Variants in TMPRSS15 observed in about 807,000 individuals in gnomAD.
The protein encoded by TMPRSS15 is enteropeptidase.
TMPRSS15 carries 128 observed loss-of-function variants against 125.3 expected under a neutral mutation model. The observed-to-expected ratio is 1.02, with a 90% CI of 0.89 to 1.18. The LOEUF is 1.18. TMPRSS15 is among the 50% of genes most tolerant of loss of function. The pLI is 0.00. For synonymous variants in TMPRSS15, 446 were observed against 423.2 expected, an observed-to-expected ratio of 1.05 and a Z score of -0.66; for missense variants, 1,283 against 1,212.7, an observed-to-expected ratio of 1.06 and a Z score of -0.86.
intron 1 of TMPRSS15, among the ~76,000 whole-genome samples, chr21:18,429,001 C>T (rs141889607): frequency 0.012 from 1,871 of 152,280 alleles, 33 homozygotes; most frequent in African/African-American, 0.04. Context: ...CCTGCAAAGC[C>T]ACAGGACAGA....
chr21:18,398,917 G>A (rs1040095717), intron 1 of TMPRSS15, among the ~76,000 whole-genome samples: 10 of 151,842 alleles, frequency 6.6e-5, no homozygotes, highest in East Asian at 3.9e-4. Context: ...TGTTGAAGAC[G>A]TTATTTAGAA....
intron 6 of TMPRSS15, among the ~76,000 whole-genome samples, chr21:18,367,426 G>A (rs1408463020): frequency 2.6e-5 from 4 of 152,074 alleles, no homozygotes; most frequent in African/African-American, 7.2e-5. Context: ...CACCTTCAAC[G>A]CTCTTTTCCA....
At chr21:18,427,977 T>A (rs2076207142) in intron 1 of TMPRSS15, among the ~76,000 whole-genome samples, 1 of 152,182 alleles carries the variant, frequency 6.6e-6, no homozygotes, top group African/African-American at 2.4e-5. Context: ...CATAAGAAAG[T>A]GAAAGAACCA....
intron 4 of TMPRSS15, among the ~76,000 whole-genome samples, chr21:18,380,350 T>G (rs1440747813): frequency 6.6e-6 from 1 of 152,098 alleles, no homozygotes; most frequent in Non-Finnish European, 1.5e-5. Context: ...ATCCTTGGCA[T>G]AAGTGATGAG....
At chr21:18,295,183 C>T (rs899764488) in intron 19 of TMPRSS15, among the ~76,000 whole-genome samples, 8 of 152,132 alleles carry the variant, frequency 5.3e-5, no homozygotes, top group Admixed American at 2.0e-4. Flanking sequence ...GTGCTGCTTT[C>T]AAGGAAGGCA....
At chr21:18,282,083 G>A (rs1418175285) in intron 21 of TMPRSS15, among the ~76,000 whole-genome samples, 3 of 77,114 alleles carry the variant, frequency 3.9e-5, no homozygotes, top group African/African-American at 1.7e-4. Flanking sequence ...GGGAGACAAA[G>A]CAAGACTCCG....
At chr21:18,437,108 T>C (rs2076229657) in intron 1 of TMPRSS15, among the ~76,000 whole-genome samples, 1 of 149,292 alleles carries the variant, frequency 6.7e-6, no homozygotes, top group Admixed American at 6.8e-5. Flanking sequence ...AACAGCATGG[T>C]ACTGGTACCA....
In TMPRSS15 at chr21:18,426,026, A is replaced by T. The variant is rs934676701; in HGVS notation, c.11-27697T>A. ...TATTCACCTATTTATTTGCTTCCTA[A>T]ATATTTGTAAGAACTCTTTTATAGC... is the stretch of plus-strand genomic sequence containing the variant. On this transcript the variant is annotated intron_variant, in intron 1 of 7. Transcript: ENST00000422787. Among the ~76,000 whole-genome samples the T allele has an allele frequency of 2.0e-5, 3 of 152,220 alleles. No homozygotes were observed. The East Asian group carries it at 5.8e-4, about 29-fold the overall frequency.
chr21:18,357,081 G>A (rs1051806112), intron 8 of TMPRSS15, among the ~76,000 whole-genome samples: 5 of 151,706 alleles, frequency 3.3e-5, no homozygotes, highest in African/African-American at 1.2e-4. Flanking sequence ...AGGCATTTTT[G>A]TTGTCTTTCT....
intron 22 of TMPRSS15, among the ~76,000 whole-genome samples, chr21:18,280,000 T>C (rs62213416): frequency 0.022 from 3,411 of 152,226 alleles, 65 homozygotes; most frequent in Non-Finnish European, 0.032. Flanking sequence ...TAAGACACAG[T>C]GCTTATCCTT....
chr21:18,356,504 A>G (rs1325872311), intron 8 of TMPRSS15, among the ~76,000 whole-genome samples: 2 of 151,772 alleles, frequency 1.3e-5, no homozygotes, highest in African/African-American at 2.4e-5. Context: ...AAAAATAACC[A>G]TAAAATTATT....
chr21:18,315,096 A>G (rs2075147412), intron 17 of TMPRSS15, 50 bp downstream of exon 17: 1 of 1,438,638 alleles, frequency 7.0e-7, no homozygotes, highest in African/African-American at 1.4e-5. Flanking sequence ...TGTAGAGTCC[A>G]AATGCAGAGG....
intron 6 of TMPRSS15, among the ~76,000 whole-genome samples, chr21:18,367,978 A>G (rs1407990573): frequency 6.6e-6 from 1 of 152,232 alleles, no homozygotes; most frequent in Non-Finnish European, 1.5e-5. Context: ...GGGGGAAAGC[A>G]TAAATAAAAG....
intron 13 of TMPRSS15, among the ~76,000 whole-genome samples, chr21:18,334,343 A>T (rs2075371679): frequency 6.6e-6 from 1 of 152,212 alleles, no homozygotes; most frequent in African/African-American, 2.4e-5. Context: ...AGGTTTGTCT[A>T]GACCCAGATG....
chr21:18,305,823 TTTAA>T (rs2075032901), intron 18 of TMPRSS15, among the ~76,000 whole-genome samples: 1 of 152,258 alleles, frequency 6.6e-6, no homozygotes, highest in Non-Finnish European at 1.5e-5. Context: ...TGATTTGCTC[TTTAA>T]TTATTTTTAA....
At chr21:18,455,739 C>T (rs1175113269) in intron 1 of TMPRSS15, among the ~76,000 whole-genome samples, 1 of 152,104 alleles carries the variant, frequency 6.6e-6, no homozygotes, top group Non-Finnish European at 1.5e-5. Flanking sequence ...TCAACAGTGA[C>T]AATCAGTGAG....
At chr21:18,372,098 ATGTGTGTGTGTGTGTGTGTGTGTGTGTG>A in intron 6 of TMPRSS15, 67 bp downstream of exon 6, 2 of 537,606 alleles carry the variant, frequency 3.7e-6, no homozygotes, top group Non-Finnish European at 6.1e-6. Flanking sequence ...TGAGATTAGA[ATGTGTGTGTGTGTGTGTGTGTGTGTGTG>A]TGTGTGTGTG....
chr21:18,368,611 A>G lies in TMPRSS15; in HGVS notation c.665-3363T>C, dbSNP rs139338704. Among the ~76,000 whole-genome samples the G allele has an allele frequency of 1.5e-4, 23 of 152,302 alleles. No homozygotes were observed. In the East Asian group the frequency reaches 4.4e-3, roughly 29 times the overall value. ...TTTCTTGCACCGTGATATAGGTGAT[A>G]AATAAACTGTTATTGTTAAGATTGT... On this transcript the variant is annotated intron_variant, in intron 6 of 24. Transcript: ENST00000284885.
intron 21 of TMPRSS15, among the ~76,000 whole-genome samples, chr21:18,292,227 T>C (rs1051397574): frequency 6.6e-6 from 1 of 152,252 alleles, no homozygotes; most frequent in Non-Finnish European, 1.5e-5. Context: ...CCTAGTTTAG[T>C]ATTTACATAG....
Sources: allele counts gnomAD v4.1 joint callset (sites outside exome capture counted in the v4.1 genomes callset), GRCh38; gene constraint gnomAD v4.1.1; transcripts MANE v1.5; gene names NCBI Gene and HGNC (gene_info 2026-07-23, HGNC 2026-07-21).